The following MYOM1 variants were observed in gnomAD, a reference collection of about 807,000 sequenced individuals.
The protein encoded by MYOM1 is myomesin 1.
A neutral mutation model predicts 205.3 loss-of-function variants in MYOM1; 164 were observed. The ratio of observed to expected loss-of-function variants is 0.80; its 90% CI spans 0.70 to 0.91. MYOM1 has a LOEUF of 0.91. MYOM1 is among the 40% of genes least tolerant of loss of function. The pLI is 0.00. For missense variants in MYOM1, 2,011 were observed against 2,127.3 expected (o/e 0.95, Z 1.08); for synonymous variants, 772 against 789.4 (o/e 0.98, Z 0.37).
chr18:3,241,643 G>A, the MYOM1 span, among the ~76,000 whole-genome samples: 1 of 152,212 alleles, frequency 6.6e-6, no homozygotes, highest in African/African-American at 2.4e-5. Context: ...ACTCCCTACT[G>A]GGGCCCCACT....
intron 28 of MYOM1, 125 bp from the exon 29 acceptor site, chr18:3,089,366 TA>T (rs2079193268): frequency 8.1e-6 from 7 of 859,250 alleles, no homozygotes; most frequent in Non-Finnish European, 1.2e-5. Flanking sequence ...ATTTAGCTTT[TA>T]AATATTTTAA....
chr18:3,174,255 G>GTAAT (rs762189018), intron 6 of MYOM1, 47 bp from the exon 7 acceptor site: 1 of 1,510,820 alleles, frequency 6.6e-7, no homozygotes, highest in Non-Finnish European at 9.2e-7. Flanking sequence ...GACAATCCTT[G>GTAAT]TAATTACTAG....
rs2080235641 is a variant in MYOM1 at position 3,152,461 on chromosome 18, A to C, written c.1644-568T>G. Among the ~76,000 whole-genome samples the C allele has an allele frequency of 1.3e-5, 2 of 152,220 alleles. No homozygotes were observed. Among genetic ancestry groups the C allele is most frequent in the South Asian group, 4.1e-4 (2 of 4,830 alleles). On this transcript the variant is annotated intron_variant, in intron 11 of 37. Transcript: ENST00000356443. The surrounding 1 kb of genome is among the most constrained non-coding windows in gnomAD (Gnocchi z 4.3). Reference sequence around the variant, plus strand: ...TTTGTTTCTTTAACAGAAGAGACTGATGACAGGTGGGGAGATGCCCAGTCC... The same window carrying C: ...TTTGTTTCTTTAACAGAAGAGACTGCTGACAGGTGGGGAGATGCCCAGTCC...
chr18:3,135,671 G>A lies in MYOM1; in HGVS notation c.2085C>T (p.Pro695=). The change falls in exon 15 of 38, where the codon CCC becomes CCT. Residue 695 remains proline (P), a synonymous_variant. Coordinates refer to ENST00000356443, the MANE Select transcript of MYOM1 (RefSeq NM_003803.4). This position sits in a 1 kb window ranked among gnomAD's most constrained non-coding sequence, Gnocchi z 4.1. ...RVNTELPVKS[P]RFALFDLAEG... ...CGGCCAAGTCAAACAGAGCAAAGCG[G>A]GGAGACTTCACAGGGAGCTCCGTGT... 1 of 1,613,936 alleles carries A rather than the reference G, an allele frequency of 6.2e-7. No homozygotes were observed. The highest frequency in any genetic ancestry group is 1.3e-5 in the African/African-American group (1 of 75,018).
the MYOM1 span, among the ~76,000 whole-genome samples, chr18:3,236,248 G>A: frequency 4.5e-4 from 69 of 152,214 alleles, no homozygotes; most frequent in African/African-American, 1.4e-3. Context: ...CTGCTATGTG[G>A]AGAACAGACT....
At chr18:3,232,055 A>G in the MYOM1 span, among the ~76,000 whole-genome samples, 1 of 151,684 alleles carries the variant, frequency 6.6e-6, no homozygotes, top group South Asian at 2.1e-4. Context: ...CCCGGCCAGG[A>G]GCAGCGACTC....
intron 37 of MYOM1, among the ~76,000 whole-genome samples, chr18:3,068,875 G>A (rs552299072): frequency 1.3e-5 from 2 of 152,212 alleles, no homozygotes; most frequent in South Asian, 2.1e-4. Flanking sequence ...TGGGATAAAT[G>A]CCCAGGGATA....
At chr18:3,186,836 A>G (rs1385116400) in intron 5 of MYOM1, among the ~76,000 whole-genome samples, 1 of 151,108 alleles carries the variant, frequency 6.6e-6, no homozygotes, top group Non-Finnish European at 1.5e-5. Context: ...GAAAGAAAGA[A>G]GAGAAAAGAA....
chr18:3,099,066 G>A (rs559524679), intron 25 of MYOM1, among the ~76,000 whole-genome samples: 10 of 152,090 alleles, frequency 6.6e-5, no homozygotes, highest in East Asian at 3.9e-4. Context: ...TGATCCTCTC[G>A]CTCCGGCCTC....
chr18:3,221,678 T>C (rs138915353), upstream of MYOM1, among the ~76,000 whole-genome samples: 38 of 152,352 alleles, frequency 2.5e-4, no homozygotes, highest in African/African-American at 8.2e-4. Context: ...GAAATGGCAA[T>C]ACGGGTCTTC....
the MYOM1 span, among the ~76,000 whole-genome samples, chr18:3,234,506 A>G: frequency 6.6e-6 from 1 of 152,278 alleles, no homozygotes; most frequent in East Asian, 1.9e-4. Flanking sequence ...CACCTCAGGA[A>G]TTATAGGAGG....
intron 8 of MYOM1, among the ~76,000 whole-genome samples, chr18:3,171,184 C>G (rs2080551446): frequency 6.6e-6 from 1 of 152,196 alleles, no homozygotes; most frequent in Non-Finnish European, 1.5e-5. Context: ...ATTGTACTGT[C>G]TTGATTTCGT....
At chr18:3,094,139 C>T (rs1163711632) in intron 26 of MYOM1, 31 bp downstream of exon 26, 21 of 1,608,218 alleles carry the variant, frequency 1.3e-5, no homozygotes, top group Admixed American at 1.7e-5. Context: ...TACAATGATA[C>T]ATTAAAAAGT....
At chr18:3,167,966 G>GT (rs1432891984) in intron 9 of MYOM1, among the ~76,000 whole-genome samples, 13 of 152,148 alleles carry the variant, frequency 8.5e-5, no homozygotes, top group African/African-American at 2.9e-4. Flanking sequence ...TTTTCTTTCT[G>GT]TTCTACCAGC....
intron 10 of MYOM1, among the ~76,000 whole-genome samples, chr18:3,160,000 T>TCTTCTTCTCCTA (rs1406543079): frequency 1.7e-4 from 25 of 149,624 alleles, no homozygotes; most frequent in African/African-American, 6.2e-4. Context: ...TATTCTCTTT[T>TCTTCTTCTCCTA]CTTCTTCTCC....
rs1056554009 is a variant in MYOM1 at position 3,205,934 on chromosome 18, T to C, written c.290+9000A>G. ...CTGGGGTAGGAGTAGGATACAAGGA[T>C]AAATGTAAAACCCTTGTCTTCTGAG... On this transcript the variant is annotated intron_variant, in intron 2 of 37. Coordinates refer to ENST00000356443, the MANE Select transcript of MYOM1 (RefSeq NM_003803.4). Among the ~76,000 whole-genome samples the C allele has an allele frequency of 3.3e-5, 5 of 152,164 alleles. 1 individual carries two copies. In the South Asian group the frequency reaches 8.3e-4, roughly 25 times the overall value.
the MYOM1 span, among the ~76,000 whole-genome samples, chr18:3,242,478 C>G: frequency 6.6e-6 from 1 of 152,176 alleles, no homozygotes; most frequent in South Asian, 2.1e-4. Context: ...CATTAAACCT[C>G]TTTCTTTTGT....
At chr18:3,110,223 G>A (rs1201525039) in intron 22 of MYOM1, among the ~76,000 whole-genome samples, 6 of 152,054 alleles carry the variant, frequency 3.9e-5, no homozygotes, top group African/African-American at 9.7e-5. Flanking sequence ...GTGGGTGTGC[G>A]TGGGGGTGTG....
intron 2 of MYOM1, among the ~76,000 whole-genome samples, chr18:3,199,771 T>C (rs1397861307): frequency 6.6e-6 from 1 of 151,328 alleles, no homozygotes; most frequent in Non-Finnish European, 1.5e-5. Context: ...ACCCGGGAGG[T>C]GGAGGTTGCA....
Sources: gnomAD v4.1 joint callset for allele counts (sites outside exome capture counted in the v4.1 genomes callset) on GRCh38, gnomAD v4.1.1 for gene constraint, Gnocchi (gnomAD v3.1) non-coding constraint, MANE v1.5 for transcripts, NCBI Gene and HGNC (gene_info 2026-07-23, HGNC 2026-07-21) for gene names.